Variants in CACNA2D3 observed in about 807,000 individuals in gnomAD.
CACNA2D3 encodes the protein voltage-dependent calcium channel subunit alpha-2/delta-3.
In CACNA2D3, 60 loss-of-function variants were observed where a neutral mutation model predicts 160.6. That is an observed-to-expected ratio of 0.37 (90% CI 0.30 to 0.46). CACNA2D3 has a LOEUF of 0.46. Ranked by LOEUF, CACNA2D3 falls within the 20% of genes least tolerant of loss-of-function variation. The pLI, the probability that CACNA2D3 is intolerant of heterozygous loss-of-function variation, is 1.00. For synonymous variants in CACNA2D3, 558 were observed against 492.9 expected, an observed-to-expected ratio of 1.13 and a Z score of -1.75; for missense variants, 1,205 against 1,365.0, an observed-to-expected ratio of 0.88 and a Z score of 1.85.
chr3:54,198,555 A>T lies in CACNA2D3; in HGVS notation c.204+74961A>T, dbSNP rs180689333. On this transcript the variant is annotated intron_variant, in intron 2 of 37. Transcript: ENST00000474759. ...GCTTCAGTTCCAGTATGTTTGGACA[A>T]TGAAATTAAATTGGTCAATTTTTAG... is the stretch of plus-strand genomic sequence containing the variant. 3.0e-4 allele frequency among the ~76,000 whole-genome samples: 46 copies of T among 152,374 alleles called. 1 individual carries two copies. In the South Asian group the frequency reaches 8.5e-3, roughly 28 times the overall value.
At chr3:54,950,796 G>C (rs1168196107) in intron 27 of CACNA2D3, among the ~76,000 whole-genome samples, 2 of 152,154 alleles carry the variant, frequency 1.3e-5, no homozygotes, top group Non-Finnish European at 2.9e-5. Flanking sequence ...AAAATAAACG[G>C]GAAGGGACGC....
chr3:54,805,896 A>C (rs938893591), intron 13 of CACNA2D3, among the ~76,000 whole-genome samples: 27 of 152,180 alleles, frequency 1.8e-4, no homozygotes, highest in Non-Finnish European at 3.1e-4. Context: ...GGCTGGTTCA[A>C]TATATGCAAA....
At chr3:54,556,121 C>T (rs1403374100) in intron 5 of CACNA2D3, among the ~76,000 whole-genome samples, 1 of 152,164 alleles carries the variant, frequency 6.6e-6, no homozygotes, top group East Asian at 1.9e-4. Flanking sequence ...ATTCAGAGAA[C>T]ATTGAACATT....
rs533865587 is a variant in CACNA2D3, at chr3:54,954,529, A to G, written c.2450-13921A>G. ...GGTGCATATCTTTCTGTCGGGGTCT[A>G]CCAGCCCTTCGGCTTCCCTTTGATT... On this transcript the variant is annotated intron_variant, in intron 27 of 37. Coordinates refer to ENST00000474759, the MANE Select transcript of CACNA2D3 (RefSeq NM_018398.3). 2.0e-5 allele frequency among the ~76,000 whole-genome samples: 3 copies of G among 152,358 alleles called. 1 individual carries two copies. The highest frequency in any genetic ancestry group is 7.2e-5 in the African/African-American group (3 of 41,590).
At chr3:54,221,936 A>G (rs1701581775) in intron 2 of CACNA2D3, among the ~76,000 whole-genome samples, 1 of 151,864 alleles carries the variant, frequency 6.6e-6, no homozygotes, top group Non-Finnish European at 1.5e-5. Flanking sequence ...GCAGCCTTGA[A>G]CTCCTAGGCT....
intron 9 of CACNA2D3, among the ~76,000 whole-genome samples, chr3:54,605,913 A>G (rs1483622878): frequency 6.6e-6 from 1 of 152,240 alleles, no homozygotes; most frequent in Non-Finnish European, 1.5e-5. Context: ...CATTTGAGTG[A>G]CTTTTCTTCT....
intron 18 of CACNA2D3, chr3:54,875,028 G>A (rs962330285): frequency 1.3e-5 from 2 of 151,950 alleles, no homozygotes; most frequent in African/African-American, 4.8e-5. Context: ...TACCCTCTAG[G>A]CAACTACATT....
intron 17 of CACNA2D3, among the ~76,000 whole-genome samples, chr3:54,863,784 TAA>T (rs1273761014): frequency 1.3e-5 from 2 of 152,154 alleles, no homozygotes; most frequent in Non-Finnish European, 2.9e-5. Flanking sequence ...GTAATCATAC[TAA>T]GAGAGCACAT....
chr3:54,138,710 G>A (rs1699865179), intron 2 of CACNA2D3, among the ~76,000 whole-genome samples: 1 of 152,246 alleles, frequency 6.6e-6, no homozygotes, highest in East Asian at 1.9e-4. Context: ...TAGCCCATGA[G>A]TCATATTCCA....
intron 5 of CACNA2D3, among the ~76,000 whole-genome samples, chr3:54,525,420 AT>A (rs1322145356): frequency 1.3e-5 from 2 of 151,980 alleles, no homozygotes; most frequent in Admixed American, 1.3e-4. Context: ...GGTGATCTTG[AT>A]TTTTGTCTTG....
chr3:54,204,805 A>G (rs1234893992), intron 2 of CACNA2D3, among the ~76,000 whole-genome samples: 27 of 150,360 alleles, frequency 1.8e-4, no homozygotes, highest in African/African-American at 6.1e-4. Context: ...TGAAAAAAAA[A>G]AAAAAAAAAA....
At chr3:54,303,232 C>T (rs757441449) in intron 2 of CACNA2D3, among the ~76,000 whole-genome samples, 10 of 152,142 alleles carry the variant, frequency 6.6e-5, no homozygotes, top group Non-Finnish European at 1.3e-4. Context: ...AGTAGTCCTA[C>T]CACTCAGCAT....
chr3:55,033,810 TTA>T (rs368956845), intron 35 of CACNA2D3, among the ~76,000 whole-genome samples: 290 of 81,472 alleles, frequency 3.6e-3, no homozygotes, highest in South Asian at 5.5e-3. Flanking sequence ...ATAATATGTA[TTA>T]TATATTAAAT....
intron 11 of CACNA2D3, among the ~76,000 whole-genome samples, chr3:54,704,364 A>G (rs2106952631): frequency 6.6e-6 from 1 of 152,316 alleles, no homozygotes; most frequent in African/African-American, 2.4e-5. Context: ...AAACATTTTT[A>G]ACTGACTTGT....
At position 54,466,231 on chromosome 3, in the gene CACNA2D3, A is replaced by G. The variant is rs563754427; in HGVS notation, c.382-37261A>G. ...AGGGATAGGAATCTTGGATGGGACCATTTTCAGAATTCTGACTACCACAGT... is the reference window on the plus strand; with the variant it reads ...AGGGATAGGAATCTTGGATGGGACCGTTTTCAGAATTCTGACTACCACAGT... On this transcript the variant is annotated intron_variant, in intron 4 of 37. Coordinates refer to ENST00000474759, the MANE Select transcript of CACNA2D3 (RefSeq NM_018398.3). 4.1e-4 allele frequency among the ~76,000 whole-genome samples: 62 copies of G among 152,294 alleles called. 1 individual carries two copies. Among genetic ancestry groups the G allele is most frequent in the African/African-American group, 1.5e-3 (62 of 41,562 alleles).
intron 2 of CACNA2D3, among the ~76,000 whole-genome samples, chr3:54,149,514 A>G (rs1700100443): frequency 6.6e-6 from 1 of 152,120 alleles, no homozygotes; most frequent in Non-Finnish European, 1.5e-5. Context: ...TGAGGCGTAG[A>G]TGAGGAAGGG....
At chr3:54,452,498 G>A (rs149223824) in intron 4 of CACNA2D3, among the ~76,000 whole-genome samples, 14 of 152,216 alleles carry the variant, frequency 9.2e-5, no homozygotes, top group South Asian at 2.1e-4. Context: ...TTCTGAACTC[G>A]CACTGGAATT....
At chr3:54,160,620 C>T (rs1029124624) in intron 2 of CACNA2D3, among the ~76,000 whole-genome samples, 1 of 152,190 alleles carries the variant, frequency 6.6e-6, no homozygotes, top group Non-Finnish European at 1.5e-5. Flanking sequence ...GAAAAGTTTC[C>T]TTTAGCTTCA....
intron 5 of CACNA2D3, among the ~76,000 whole-genome samples, chr3:54,527,106 C>T (rs956346140): frequency 6.6e-6 from 1 of 152,224 alleles, no homozygotes; most frequent in Non-Finnish European, 1.5e-5. Context: ...GGATATTTCC[C>T]AAGGCCAGTA....
Sources: allele counts gnomAD v4.1 joint callset (sites outside exome capture counted in the v4.1 genomes callset), GRCh38; gene constraint gnomAD v4.1.1; transcripts MANE v1.5; gene names NCBI Gene and HGNC (gene_info 2026-07-23, HGNC 2026-07-21).